Variants in NALCN observed in about 807,000 individuals in gnomAD.
NALCN encodes sodium leak channel, non-selective, also known as sodium leak channel NALCN.
A neutral mutation model predicts 225.3 loss-of-function variants in NALCN; 111 were observed. The observed-to-expected ratio is 0.49, with a 90% CI of 0.42 to 0.58. The LOEUF (loss-of-function observed/expected upper bound fraction) is 0.58. NALCN is among the 20% of genes least tolerant of loss of function. The pLI, the probability that NALCN is intolerant of heterozygous loss-of-function variation, is 0.00. For synonymous variants in NALCN, 764 were observed against 769.0 expected (o/e 0.99, Z 0.11); for missense variants, 1,378 against 2,202.4 (o/e 0.63, Z 7.49).
At chr13:101,375,043 TACTCATAG>T (rs2046648922) in intron 6 of NALCN, among the ~76,000 whole-genome samples, 1 of 152,226 alleles carries the variant, frequency 6.6e-6, no homozygotes, top group African/African-American at 2.4e-5. Flanking sequence ...AGCCATGAGT[TACTCATAG>T]ATGTTTTCCT....
chr13:101,401,629 G>C (rs1027902326), intron 1 of NALCN, among the ~76,000 whole-genome samples: 2 of 152,098 alleles, frequency 1.3e-5, no homozygotes, highest in Non-Finnish European at 2.9e-5. Flanking sequence ...TACATGTCCA[G>C]AATTTATTGT....
rs1039451229 is a variant in NALCN at position 101,268,764 on chromosome 13, C to G, written c.1135-10190G>C. On this transcript the variant is annotated intron_variant, in intron 10 of 43. Transcript: ENST00000251127. ...TATCCTGCCCAATAAAATCATCTGT[C>G]TTGAATTGATTTAAAACATGGGAAA... Among the ~76,000 whole-genome samples, 42 of 152,130 alleles carry G rather than the reference C, an allele frequency of 2.8e-4. 1 individual carries two copies. The highest frequency in any genetic ancestry group is 5.9e-5 in the Non-Finnish European group (4 of 68,016).
intron 26 of NALCN, among the ~76,000 whole-genome samples, chr13:101,102,072 C>T (rs2034850595): frequency 6.6e-6 from 1 of 151,960 alleles, no homozygotes; most frequent in Admixed American, 6.6e-5. Flanking sequence ...CTCCTGAGGT[C>T]AGGAGTTCAA....
At chr13:101,146,205 CAT>C (rs1334940294) in intron 15 of NALCN, among the ~76,000 whole-genome samples, 2 of 152,174 alleles carry the variant, frequency 1.3e-5, no homozygotes, top group African/African-American at 2.4e-5. Context: ...TTTTGTGTAA[CAT>C]AAACATTTAC....
At chr13:101,339,525 C>T (rs1423316511) in intron 7 of NALCN, among the ~76,000 whole-genome samples, 14 of 152,074 alleles carry the variant, frequency 9.2e-5, no homozygotes, top group Non-Finnish European at 2.1e-4. Flanking sequence ...TCAGTTGTCA[C>T]GTGGCTCAGG....
intron 13 of NALCN, among the ~76,000 whole-genome samples, chr13:101,227,319 G>A (rs939787530): frequency 3.9e-5 from 6 of 151,994 alleles, no homozygotes; most frequent in Non-Finnish European, 2.9e-5. Context: ...CTTAAACATC[G>A]TATGTAAGTG....
chr13:101,100,633 T>C lies in NALCN; in HGVS notation c.3162+151A>G. The C allele has an allele frequency of 1.2e-5, 6 of 511,670 alleles. No individual in the cohort carries two copies. The South Asian group carries it at 1.3e-4, about 11-fold the overall frequency. 31.7% of individuals were successfully genotyped at this position (511,670 alleles called of 1,614,324 possible). A position where few individuals can be genotyped will look rare whatever the true frequency, so the allele number is the denominator to read the frequency against. On this transcript the variant is annotated intron_variant, in intron 27 of 43. Coordinates refer to ENST00000251127, the MANE Select transcript of NALCN (RefSeq NM_052867.4). The stretch of plus-strand genomic sequence containing the variant: ...TCTCGCTCTGTTGCCCAGGTTGGAG[T>C]ACAGTGGTGAGATCATAGCTCACTG...
intron 18 of NALCN, among the ~76,000 whole-genome samples, chr13:101,115,304 C>G (rs899742387): frequency 3.1e-4 from 47 of 152,022 alleles, no homozygotes; most frequent in African/African-American, 1.1e-3. Flanking sequence ...CTTCATACAT[C>G]TTTCTCTATG....
chr13:101,213,813 A>G (rs1436881193), intron 13 of NALCN, among the ~76,000 whole-genome samples: 1 of 152,062 alleles, frequency 6.6e-6, no homozygotes, highest in Non-Finnish European at 1.5e-5. Flanking sequence ...GGAGGCATAT[A>G]GAGAAATAGG....
At chr13:101,166,710 T>A (rs1177008475) in intron 15 of NALCN, among the ~76,000 whole-genome samples, 1 of 152,220 alleles carries the variant, frequency 6.6e-6, no homozygotes, top group Non-Finnish European at 1.5e-5. Flanking sequence ...GATTGTTTCC[T>A]TTGACGTGCA....
chr13:101,174,883 A>C (rs144406863), intron 15 of NALCN, among the ~76,000 whole-genome samples: 92 of 152,340 alleles, frequency 6.0e-4, no homozygotes, highest in African/African-American at 2.1e-3. Context: ...CATGGCATGA[A>C]GGAAAAGTGA....
intron 10 of NALCN, among the ~76,000 whole-genome samples, chr13:101,261,610 G>A (rs574983282): frequency 2.2e-4 from 33 of 152,206 alleles, no homozygotes; most frequent in Admixed American, 1.8e-3. Flanking sequence ...TGTAGCTACC[G>A]TAAATGGGAT....
At chr13:101,098,881 C>G (rs998292961) in intron 27 of NALCN, among the ~76,000 whole-genome samples, 14 of 151,610 alleles carry the variant, frequency 9.2e-5, no homozygotes, top group Admixed American at 9.2e-4. Flanking sequence ...GGTGCTGGTG[C>G]TCTCTATGAT....
intron 17 of NALCN, among the ~76,000 whole-genome samples, chr13:101,129,688 G>A (rs2036417551): frequency 6.9e-6 from 1 of 144,510 alleles, no homozygotes; most frequent in Non-Finnish European, 1.5e-5. Context: ...TTATTCTGAT[G>A]TTTTCAATTT....
intron 15 of NALCN, among the ~76,000 whole-genome samples, chr13:101,161,594 TG>T (rs1440339460): frequency 6.6e-6 from 1 of 152,178 alleles, no homozygotes; most frequent in African/African-American, 2.4e-5. Context: ...ATGTTCTGGC[TG>T]GTATGGTGGC....
intron 7 of NALCN, among the ~76,000 whole-genome samples, chr13:101,320,694 T>G (rs919851469): frequency 6.9e-6 from 1 of 145,434 alleles, no homozygotes; most frequent in Admixed American, 7.1e-5. Flanking sequence ...CTCAAAAGGG[T>G]TTTTGTTAGT....
chr13:101,136,288 C>T (rs1033581072), intron 17 of NALCN, among the ~76,000 whole-genome samples: 1 of 104,636 alleles, frequency 9.6e-6, no homozygotes, highest in African/African-American at 4.7e-5. Context: ...TAGTACGCAT[C>T]GTTTTATTTA....
At chr13:101,185,290 C>G (rs1472482300) in intron 14 of NALCN, among the ~76,000 whole-genome samples, 1 of 152,218 alleles carries the variant, frequency 6.6e-6, no homozygotes, top group Non-Finnish European at 1.5e-5. Flanking sequence ...TATGACTATT[C>G]TCAGCAAGCT....
At chr13:101,335,883 T>C (rs528643226) in intron 7 of NALCN, among the ~76,000 whole-genome samples, 1 of 152,116 alleles carries the variant, frequency 6.6e-6, no homozygotes, top group African/African-American at 2.4e-5. Flanking sequence ...ATATCACATA[T>C]GGTAGCATGA....
Sources: gnomAD v4.1 joint callset for allele counts (sites outside exome capture counted in the v4.1 genomes callset) on GRCh38, gnomAD v4.1.1 for gene constraint, MANE v1.5 for transcripts, NCBI Gene and HGNC (gene_info 2026-07-23, HGNC 2026-07-21) for gene names.